The following UBE2K variants were observed in gnomAD, a reference collection of about 807,000 sequenced individuals.
UBE2K encodes the protein ubiquitin conjugating enzyme E2 K.
Under a neutral mutation model 30.0 loss-of-function variants are expected in UBE2K, and 6 were observed. That is an observed-to-expected ratio of 0.20 (90% CI 0.11 to 0.39). UBE2K has a LOEUF of 0.39. UBE2K is among the 10% of genes least tolerant of loss of function. The probability of loss-of-function intolerance (pLI) is 1.00; values close to 1 mark genes in which losing one functional copy is unlikely to be tolerated. For missense variants in UBE2K, 61 were observed against 241.6 expected (o/e 0.25, Z 4.96); for synonymous variants, 86 against 83.7 (o/e 1.03, Z -0.15).
intron 1 of UBE2K, among the ~76,000 whole-genome samples, chr4:39,718,833 T>C (rs1483715663): frequency 6.6e-6 from 1 of 152,228 alleles, no homozygotes; most frequent in East Asian, 1.9e-4. Flanking sequence ...CCTGGAAATC[T>C]AGCTGGCCTG....
At chr4:39,724,137 T>A (rs75113954) in intron 1 of UBE2K, among the ~76,000 whole-genome samples, 1 of 111,550 alleles carries the variant, frequency 9.0e-6, no homozygotes, top group African/African-American at 3.5e-5. Context: ...TTTTTTTTTT[T>A]AATTGTTGTC....
intron 1 of UBE2K, among the ~76,000 whole-genome samples, chr4:39,709,358 T>C (rs1024904592): frequency 6.6e-6 from 1 of 152,072 alleles, no homozygotes; most frequent in Admixed American, 6.6e-5. Context: ...AGTGTTTCTT[T>C]GTCACCTGTG....
Position 39,782,050 on chromosome 4 carries a change from G to C in UBE2K, c.*3616G>C. 2.5e-6 allele frequency: 1 copy of C among 397,986 alleles called. No homozygotes were observed. Among genetic ancestry groups the C allele is most frequent in the African/African-American group, 2.1e-5 (1 of 48,742 alleles). The allele number at this position is 397,986 out of a possible 1,614,324, so 24.7% of individuals were successfully genotyped here. A position where few individuals can be genotyped will look rare whatever the true frequency, so the allele number is the denominator to read the frequency against. On this transcript the variant is annotated 3_prime_UTR_variant, in exon 7 of 7. Coordinates refer to ENST00000261427, the MANE Select transcript of UBE2K (RefSeq NM_005339.5). ...TCAAAGATCTTGTGGCATAGGGGTA[G>C]GGGAGTGTTAGTATCTCCCTTGTCC...
At chr4:39,773,234 C>G (rs1713031946) in intron 4 of UBE2K, among the ~76,000 whole-genome samples, 1 of 151,350 alleles carries the variant, frequency 6.6e-6, no homozygotes, top group South Asian at 2.1e-4. Flanking sequence ...TTTTGGGAGG[C>G]CAAGGCGGGC....
chr4:39,726,308 T>A (rs914555564), intron 1 of UBE2K, among the ~76,000 whole-genome samples: 2 of 152,110 alleles, frequency 1.3e-5, no homozygotes, highest in African/African-American at 4.8e-5. Flanking sequence ...TTTTTACTTT[T>A]TAACTTTCTG....
At chr4:39,756,014 T>A (rs28394846) in intron 4 of UBE2K, among the ~76,000 whole-genome samples, 1 of 152,238 alleles carries the variant, frequency 6.6e-6, no homozygotes, top group African/African-American at 2.4e-5. Flanking sequence ...TTCTTTGCTA[T>A]CTTAAGAAGA....
intron 1 of UBE2K, among the ~76,000 whole-genome samples, chr4:39,737,000 C>G (rs769764841): frequency 6.6e-6 from 1 of 151,988 alleles, no homozygotes; most frequent in Non-Finnish European, 1.5e-5. Flanking sequence ...TTTTAATGAC[C>G]CTGAATTTTC....
chr4:39,711,011 T>G (rs915232176), intron 1 of UBE2K, among the ~76,000 whole-genome samples: 35 of 151,948 alleles, frequency 2.3e-4, no homozygotes, highest in African/African-American at 7.5e-4. Flanking sequence ...TATGTGAAGT[T>G]AGTGTATATC....
At chr4:39,703,369 C>T (rs1410999730) in intron 1 of UBE2K, among the ~76,000 whole-genome samples, 2 of 151,970 alleles carry the variant, frequency 1.3e-5, no homozygotes, top group African/African-American at 4.8e-5. Context: ...AAAAAATCAG[C>T]CAGGCCTGGT....
At chr4:39,703,173 T>C (rs1718131451) in intron 1 of UBE2K, among the ~76,000 whole-genome samples, 1 of 152,024 alleles carries the variant, frequency 6.6e-6, no homozygotes, top group Non-Finnish European at 1.5e-5. Flanking sequence ...TTATTTTTAG[T>C]AGAGACGGGG....
chr4:39,712,184 G>C (rs1016296810), intron 1 of UBE2K, among the ~76,000 whole-genome samples: 19 of 142,448 alleles, frequency 1.3e-4, no homozygotes, highest in African/African-American at 4.6e-4. Context: ...GAGTGCAATA[G>C]CACCGACAAC....
chr4:39,741,341 T>G (rs959589374), intron 2 of UBE2K, among the ~76,000 whole-genome samples: 2 of 152,214 alleles, frequency 1.3e-5, no homozygotes, highest in Admixed American at 1.3e-4. Flanking sequence ...AGATTTAATA[T>G]GCTTTTTATA....
At chr4:39,746,880 A>G (rs146528008) in intron 3 of UBE2K, among the ~76,000 whole-genome samples, 1,711 of 152,342 alleles carry the variant, frequency 0.011, 39 homozygotes, top group African/African-American at 0.038. Context: ...CAACACAAAT[A>G]TAGTTCCAAC....
intron 4 of UBE2K, chr4:39,771,329 T>C (rs1712814105): frequency 6.2e-7 from 1 of 1,612,506 alleles, no homozygotes; most frequent in Non-Finnish European, 8.5e-7. Flanking sequence ...TCGGCCACAA[T>C]GGTCACGTCG....
At chr4:39,766,465 T>A (rs1238505661) in intron 4 of UBE2K, among the ~76,000 whole-genome samples, 3 of 152,066 alleles carry the variant, frequency 2.0e-5, no homozygotes. Context: ...CCTTGTCGAT[T>A]TTTTAACCAG....
chr4:39,731,112 C>T lies in UBE2K; in HGVS notation c.64-6308C>T, dbSNP rs117973500. Among the ~76,000 whole-genome samples, 251 of 152,126 alleles carry T rather than the reference C, an allele frequency of 1.6e-3. 4 individuals carry two copies. In the East Asian group the frequency reaches 0.035, roughly 21 times the overall value. Reference sequence around the variant, plus strand: ...GCGATTCTCCTGCCTCAGCTGGTCTCGAACTCCTGACGTCAGGTGATCCGC... The same window carrying T: ...GCGATTCTCCTGCCTCAGCTGGTCTTGAACTCCTGACGTCAGGTGATCCGC... On this transcript the variant is annotated intron_variant, in intron 1 of 6. Coordinates refer to ENST00000261427, the MANE Select transcript of UBE2K (RefSeq NM_005339.5).
chr4:39,747,087 G>A (rs555210421), intron 3 of UBE2K, among the ~76,000 whole-genome samples: 88 of 152,244 alleles, frequency 5.8e-4, no homozygotes, highest in African/African-American at 1.9e-3. Flanking sequence ...ATATGATAAT[G>A]GAAGTTCCAG....
chr4:39,776,966 G>C (rs538005518), intron 5 of UBE2K, among the ~76,000 whole-genome samples: 1 of 151,926 alleles, frequency 6.6e-6, no homozygotes. Context: ...TAGATTTATC[G>C]TTTTAATATG....
chr4:39,734,030 A>C (rs1720218724), intron 1 of UBE2K, among the ~76,000 whole-genome samples: 1 of 152,070 alleles, frequency 6.6e-6, no homozygotes, highest in Non-Finnish European at 1.5e-5. Flanking sequence ...AGCTGTGAAA[A>C]ATTTTTGGCT....
Sources: gnomAD v4.1 joint callset for allele counts (sites outside exome capture counted in the v4.1 genomes callset) on GRCh38, gnomAD v4.1.1 for gene constraint, MANE v1.5 for transcripts, NCBI Gene and HGNC (gene_info 2026-07-23, HGNC 2026-07-21) for gene names.